Variants in GALNTL6 observed in about 807,000 individuals in gnomAD.
The protein encoded by GALNTL6 is polypeptide N-acetylgalactosaminyltransferase like 6.
In GALNTL6, 46 loss-of-function variants were observed where a neutral mutation model predicts 73.7. The ratio of observed to expected loss-of-function variants is 0.62; its 90% CI spans 0.49 to 0.80. The LOEUF is 0.80. Ranked by LOEUF, GALNTL6 falls within the 30% of genes least tolerant of loss-of-function variation. GALNTL6 has a pLI of 0.00. For synonymous variants in GALNTL6, 259 were observed against 263.7 expected (o/e 0.98, Z 0.17); for missense variants, 604 against 755.0 (o/e 0.80, Z 2.34).
intron 8 of GALNTL6, among the ~76,000 whole-genome samples, chr4:172,914,912 A>G (rs984481089): frequency 6.6e-6 from 1 of 152,234 alleles, no homozygotes; most frequent in East Asian, 1.9e-4. Context: ...ATAGACATCT[A>G]CAGAACTCTC....
chr4:172,406,980 A>G lies in GALNTL6; in HGVS notation c.553+58291A>G, dbSNP rs943837732. On this transcript the variant is annotated intron_variant, in intron 5 of 12. Transcript: ENST00000506823. ...AACAAATGATTACAGAAATCATCTGATATCTATCATTATCTCTTTTTTAAA... is the reference window on the plus strand; with the variant it reads ...AACAAATGATTACAGAAATCATCTGGTATCTATCATTATCTCTTTTTTAAA... 2.0e-5 allele frequency among the ~76,000 whole-genome samples: 3 copies of G among 152,088 alleles called. No homozygotes were observed. The East Asian group carries it at 5.8e-4, about 29-fold the overall frequency.
chr4:171,904,165 A>T (rs1198613852), intron 2 of GALNTL6, among the ~76,000 whole-genome samples: 1 of 152,194 alleles, frequency 6.6e-6, no homozygotes, highest in Admixed American at 6.5e-5. Context: ...ACGAGCTGAG[A>T]GAAGAAGGCT....
chr4:172,359,113 A>C lies in GALNTL6; in HGVS notation c.553+10424A>C, dbSNP rs141908830. On this transcript the variant is annotated intron_variant, in intron 5 of 12. Transcript: ENST00000506823. ...TCACTGCAGCACTATTCACATTAGC[A>C]AAAACATGGAATCAACGTAAATGTC... Among the ~76,000 whole-genome samples, 1,090 of 152,316 alleles carry C rather than the reference A, an allele frequency of 7.2e-3. 8 individuals are homozygous for C. Among genetic ancestry groups the C allele is most frequent in the African/African-American group, 0.025 (1,027 of 41,560 alleles).
chr4:172,484,087 G>A (rs337994), intron 5 of GALNTL6, among the ~76,000 whole-genome samples: 122,921 of 152,106 alleles, frequency 0.81, 49,886 homozygotes, highest in East Asian at 1. Flanking sequence ...AGGGACAGCT[G>A]TAGAAGAAGG....
chr4:172,546,762 A>G (rs1260305309), intron 5 of GALNTL6, among the ~76,000 whole-genome samples: 1 of 130,934 alleles, frequency 7.6e-6, no homozygotes, highest in East Asian at 2.8e-4. Flanking sequence ...TCAGGGCCTT[A>G]TTAGAGTTTT....
chr4:173,014,519 A>G (rs1752696539), intron 11 of GALNTL6, among the ~76,000 whole-genome samples: 1 of 152,244 alleles, frequency 6.6e-6, no homozygotes, highest in Non-Finnish European at 1.5e-5. Context: ...GGGAAGGTTC[A>G]CAAAGACAGA....
chr4:172,780,669 G>A lies in GALNTL6; in HGVS notation c.554-28692G>A, dbSNP rs144176502. On this transcript the variant is annotated intron_variant, in intron 5 of 12. Coordinates refer to ENST00000506823, the MANE Select transcript of GALNTL6 (RefSeq NM_001034845.3). ...GTCAGTGTGGATGATGGAAATATCT[G>A]TTTCATTCATAACAGTAAAATGCCA... 2.8e-3 allele frequency among the ~76,000 whole-genome samples: 419 copies of A among 152,252 alleles called. 4 individuals carry two copies. The highest frequency in any genetic ancestry group is 9.8e-3 in the African/African-American group (408 of 41,536).
At chr4:172,291,302 T>C (rs1268124664) in intron 3 of GALNTL6, among the ~76,000 whole-genome samples, 1 of 152,000 alleles carries the variant, frequency 6.6e-6, no homozygotes, top group African/African-American at 2.4e-5. Flanking sequence ...AACTGACATT[T>C]TGGGGATTAA....
At chr4:171,874,115 C>A (rs191159059) in intron 2 of GALNTL6, among the ~76,000 whole-genome samples, 1 of 152,242 alleles carries the variant, frequency 6.6e-6, no homozygotes, top group Non-Finnish European at 1.5e-5. Flanking sequence ...TCTTCATGTG[C>A]ACAAACATGG....
intron 10 of GALNTL6, among the ~76,000 whole-genome samples, chr4:172,977,082 T>A (rs553101825): frequency 6.6e-6 from 1 of 152,242 alleles, no homozygotes. Flanking sequence ...ATCCATATCA[T>A]CAGCACATTC....
At chr4:172,774,642 G>C (rs1738966005) in intron 5 of GALNTL6, among the ~76,000 whole-genome samples, 3 of 152,108 alleles carry the variant, frequency 2.0e-5, no homozygotes, top group Admixed American at 1.3e-4. Flanking sequence ...GCCTTCCTCT[G>C]ATACTTAGGG....
chr4:172,317,639 GT>G (rs888091510), intron 4 of GALNTL6, among the ~76,000 whole-genome samples: 9 of 152,074 alleles, frequency 5.9e-5, no homozygotes, highest in Non-Finnish European at 1.2e-4. Context: ...ACTATAAATA[GT>G]TTTTATTTTA....
intron 2 of GALNTL6, among the ~76,000 whole-genome samples, chr4:171,820,486 T>C (rs1272190048): frequency 1.3e-5 from 2 of 152,212 alleles, no homozygotes; most frequent in Admixed American, 6.5e-5. Context: ...GTTTCACTTA[T>C]AAAGAAAAAT....
intron 7 of GALNTL6, among the ~76,000 whole-genome samples, chr4:172,873,877 A>G (rs1439661320): frequency 6.6e-6 from 1 of 152,222 alleles, no homozygotes; most frequent in East Asian, 1.9e-4. Context: ...ACATGCAGTA[A>G]ATTTTTGCTT....
chr4:172,646,593 T>C (rs996476363), intron 5 of GALNTL6, among the ~76,000 whole-genome samples: 4 of 152,066 alleles, frequency 2.6e-5, no homozygotes, highest in Non-Finnish European at 2.9e-5. Context: ...ATATTTACTT[T>C]TGTATAATAC....
intron 10 of GALNTL6, among the ~76,000 whole-genome samples, chr4:172,982,304 A>G (rs1158227534): frequency 1.3e-5 from 2 of 152,130 alleles, no homozygotes; most frequent in African/African-American, 2.4e-5. Context: ...CCATGACTCA[A>G]TCACCACGGG....
intron 2 of GALNTL6, among the ~76,000 whole-genome samples, chr4:172,099,646 G>A (rs1267727921): frequency 6.6e-6 from 1 of 152,016 alleles, no homozygotes; most frequent in Non-Finnish European, 1.5e-5. Context: ...TTTTCTTCTG[G>A]CTTTTCATCT....
intron 3 of GALNTL6, among the ~76,000 whole-genome samples, chr4:172,294,102 ATTTATTTTATTAGTCT>A (rs1445428744): frequency 1.3e-5 from 2 of 151,770 alleles, no homozygotes; most frequent in Non-Finnish European, 2.9e-5. Flanking sequence ...TTATAAAATT[ATTTATTTTATTAGTCT>A]TTTACTTCTT....
intron 5 of GALNTL6, among the ~76,000 whole-genome samples, chr4:172,569,186 G>A (rs143793233): frequency 2.6e-4 from 39 of 152,290 alleles, no homozygotes; most frequent in African/African-American, 9.1e-4. Flanking sequence ...CTGGAGCCTG[G>A]GAAATCTAAG....
Sources: gnomAD v4.1 joint callset for allele counts (sites outside exome capture counted in the v4.1 genomes callset) on GRCh38, gnomAD v4.1.1 for gene constraint, MANE v1.5 for transcripts, NCBI Gene and HGNC (gene_info 2026-07-23, HGNC 2026-07-21) for gene names.